EPS15: variants seen among roughly 807,000 people sequenced by gnomAD.
The protein encoded by EPS15 is epidermal growth factor receptor pathway substrate 15.
A neutral mutation model predicts 113.8 loss-of-function variants in EPS15; 72 were observed. The observed-to-expected ratio is 0.63, with a 90% CI of 0.52 to 0.77. EPS15 has a LOEUF of 0.77. EPS15 is among the 30% of genes least tolerant of loss of function. The pLI, the probability that EPS15 is intolerant of heterozygous loss-of-function variation, is 0.00. For missense variants in EPS15, 1,048 were observed against 1,045.8 expected (o/e 1.00, Z -0.03); for synonymous variants, 344 against 363.4 (o/e 0.95, Z 0.61).
chr1:51,420,339 T>A (rs1453714875), intron 13 of EPS15, among the ~76,000 whole-genome samples: 1 of 152,016 alleles, frequency 6.6e-6, no homozygotes, highest in Admixed American at 6.6e-5. Context: ...TAAATTCACA[T>A]CCTCAAAAAA....
chr1:51,376,250 T>C (rs550187634), intron 21 of EPS15, among the ~76,000 whole-genome samples: 81 of 152,336 alleles, frequency 5.3e-4, no homozygotes, highest in Middle Eastern at 6.8e-3. Flanking sequence ...TTAAGATAAA[T>C]TGACAGTAGA....
intron 1 of EPS15, among the ~76,000 whole-genome samples, chr1:51,483,354 G>A (rs1644056001): frequency 6.6e-6 from 1 of 151,270 alleles, no homozygotes; most frequent in Non-Finnish European, 1.5e-5. Flanking sequence ...TTTATCACAG[G>A]TATGACATAC....
At chr1:51,479,656 T>C (rs539098453) in intron 2 of EPS15, among the ~76,000 whole-genome samples, 1 of 152,264 alleles carries the variant, frequency 6.6e-6, no homozygotes, top group Non-Finnish European at 1.5e-5. Flanking sequence ...TTACTCTTTA[T>C]AGCAATATAG....
intron 4 of EPS15, 27 bp from the exon 5 acceptor site, chr1:51,468,595 G>A (rs973472405): frequency 5.4e-6 from 8 of 1,472,272 alleles, no homozygotes; most frequent in Non-Finnish European, 5.7e-6. Context: ...TGAATGTTAA[G>A]AGCATTCTCC....
At position 51,448,085 on chromosome 1, in the gene EPS15, G is replaced by A. The variant is rs1653215392; in HGVS notation, c.612C>T (p.Ser204=). ...ATGGTGGCACCAAGGCTGGAGGCAA[G>A]GACATTGGCACAGGTTCTTTCTCCA... is the stretch of plus-strand genomic sequence containing the variant. ...CALEKEPVPM[S]LPPALVPPSK... is the part of the protein sequence containing the mutation. Residue 204 remains serine, a synonymous_variant, in exon 9 of 25, where the codon TCC becomes TCT. Coordinates refer to ENST00000371733, the MANE Select transcript of EPS15 (RefSeq NM_001981.3). The A allele has an allele frequency of 1.2e-6, 2 of 1,613,630 alleles. No homozygotes were observed. The highest frequency in any genetic ancestry group is 1.7e-6 in the Non-Finnish European group (2 of 1,179,770).
chr1:51,409,342 C>G (rs1451042689), intron 14 of EPS15, among the ~76,000 whole-genome samples, 193 bp downstream of exon 14: 1 of 152,214 alleles, frequency 6.6e-6, no homozygotes, highest in Admixed American at 6.5e-5. Context: ...AGTTCATTAA[C>G]TGCCCTTCTA....
intron 21 of EPS15, among the ~76,000 whole-genome samples, chr1:51,384,261 T>G (rs1427436265): frequency 6.6e-6 from 1 of 151,560 alleles, no homozygotes; most frequent in Non-Finnish European, 1.5e-5. Context: ...TCAAGGAACC[T>G]GAATAGCCAA....
intron 23 of EPS15, 57 bp downstream of exon 23, chr1:51,363,808 AC>A: frequency 6.6e-7 from 1 of 1,510,172 alleles, no homozygotes; most frequent in Non-Finnish European, 9.0e-7. Context: ...TCCGCACAAT[AC>A]TTTTCAGAAA....
intron 12 of EPS15, among the ~76,000 whole-genome samples, chr1:51,437,305 T>G (rs574834238): frequency 5.0e-4 from 76 of 152,254 alleles, no homozygotes; most frequent in African/African-American, 1.7e-3. Context: ...CAAAATATGA[T>G]TCTAAGAAAT....
rs1646377660 is a variant in EPS15 at position 51,361,213 on chromosome 1, G to A, written c.2502C>T (p.Thr834=). Residue 834 remains threonine (T), a synonymous_variant, in exon 24 of 25, where the codon ACC becomes ACT. Transcript: ENST00000371733. Reference sequence around the variant, plus strand: ...AATTGCTTGGATCAGCCTCTTTATTGGTAGTGGTAGTAGCAGAAGTGAATG... The same window carrying A: ...AATTGCTTGGATCAGCCTCTTTATTAGTAGTGGTAGTAGCAGAAGTGAATG... ...CDPFTSATTT[T]NKEADPSNFA... is the part of the protein sequence containing the mutation. The A allele has an allele frequency of 6.2e-7, 1 of 1,613,950 alleles. No individual in the cohort carries two copies. The highest frequency in any genetic ancestry group is 8.5e-7 in the Non-Finnish European group (1 of 1,179,874).
intron 8 of EPS15, chr1:51,457,617 A>G (rs985098653): frequency 7.7e-5 from 11 of 142,694 alleles, no homozygotes; most frequent in African/African-American, 2.9e-4. Context: ...TATAAACTTT[A>G]TACACATAAT....
At chr1:51,491,893 T>A (rs1008605146) in intron 1 of EPS15, among the ~76,000 whole-genome samples, 10 of 150,288 alleles carry the variant, frequency 6.7e-5, no homozygotes, top group African/African-American at 2.5e-4. Context: ...GACAGAGTGT[T>A]GCCCAGTCTG....
intron 12 of EPS15, among the ~76,000 whole-genome samples, chr1:51,439,872 C>T (rs1652448500): frequency 6.6e-6 from 1 of 152,026 alleles, no homozygotes; most frequent in Non-Finnish European, 1.5e-5. Context: ...GGTCAAGTAA[C>T]AATTATGAAA....
intron 12 of EPS15, among the ~76,000 whole-genome samples, chr1:51,429,583 A>T (rs1323738684): frequency 6.6e-6 from 1 of 152,036 alleles, no homozygotes; most frequent in African/African-American, 2.4e-5. Flanking sequence ...ATGGTAAATC[A>T]GAAAAAGATT....
chr1:51,457,510 CTTTTTTTT>C (rs34245440), intron 8 of EPS15: 27 of 70,718 alleles, frequency 3.8e-4, no homozygotes, highest in African/African-American at 1.3e-3. Context: ...GGAATATTAT[CTTTTTTTT>C]TTTTTTTTTT....
At position 51,440,398 on chromosome 1, in the gene EPS15, G is replaced by A. The variant is rs1363940230; in HGVS notation, c.989C>T (p.Ser330Phe). 6.3e-7 allele frequency: 1 copy of A among 1,591,374 alleles called. No individual in the cohort carries two copies. Among genetic ancestry groups the A allele is most frequent in the Non-Finnish European group, 8.6e-7 (1 of 1,164,954 alleles). The change falls in exon 12 of 25, where the codon TCT (serine) becomes TTT (phenylalanine). Residue 330 changes from serine to phenylalanine, a missense_variant. Coordinates refer to ENST00000371733, the MANE Select transcript of EPS15 (RefSeq NM_001981.3). ...AAGAGTATCTAGTTCCTTAATAGCA[G>A]AGAAATCTGCAACAGGACTTGATCC... ...IIGSSPVADF[S>F]AIKELDTLNN...
intron 14 of EPS15, among the ~76,000 whole-genome samples, chr1:51,409,255 A>C: frequency 6.6e-6 from 1 of 152,118 alleles, no homozygotes; most frequent in East Asian, 1.9e-4. Context: ...GGTTTTCGTA[A>C]AGAAGGGTAA....
intron 8 of EPS15, among the ~76,000 whole-genome samples, chr1:51,453,341 C>T (rs1149789): frequency 0.26 from 39,273 of 151,988 alleles, 6,790 homozygotes; most frequent in East Asian, 0.67. Flanking sequence ...TTTCATGTTG[C>T]CTTGAAAATA....
chr1:51,392,161 C>T (rs969534230), intron 21 of EPS15, among the ~76,000 whole-genome samples: 7 of 152,188 alleles, frequency 4.6e-5, no homozygotes, highest in African/African-American at 1.7e-4. Context: ...ACCAAAGAGG[C>T]AGGTGGAAAA....
Sources: allele counts gnomAD v4.1 joint callset (sites outside exome capture counted in the v4.1 genomes callset), GRCh38; gene constraint gnomAD v4.1.1; transcripts MANE v1.5; gene names NCBI Gene and HGNC (gene_info 2026-07-23, HGNC 2026-07-21).